The following PAN3 variants were observed in gnomAD, a reference collection of about 807,000 sequenced individuals.
PAN3 encodes PAN2-PAN3 deadenylation complex subunit PAN3.
A neutral mutation model predicts 96.2 loss-of-function variants in PAN3; 19 were observed. That is an observed-to-expected ratio of 0.20 (90% CI 0.14 to 0.29). The LOEUF is 0.29. Among genes scored for constraint, PAN3 ranks in the 10% least tolerant of loss-of-function variants. PAN3 has a pLI of 1.00. For missense variants in PAN3, 882 were observed against 1,108.1 expected (o/e 0.80, Z 2.90); for synonymous variants, 433 against 406.6 (o/e 1.06, Z -0.78).
chr13:28,243,669 A>G (rs1396813379), intron 6 of PAN3, among the ~76,000 whole-genome samples: 1 of 151,622 alleles, frequency 6.6e-6, no homozygotes, highest in African/African-American at 2.4e-5. Flanking sequence ...TTTAATTTCT[A>G]TCTCTTTAGG....
chr13:28,270,889 T>C, intron 13 of PAN3, 23 bp downstream of exon 13: 1 of 1,607,572 alleles, frequency 6.2e-7, no homozygotes, highest in South Asian at 1.1e-5. Context: ...TGAGTTTTGG[T>C]TTCTTTTATT....
chr13:28,223,655 C>G (rs1464612649), intron 6 of PAN3, among the ~76,000 whole-genome samples: 2 of 151,870 alleles, frequency 1.3e-5, no homozygotes, highest in Non-Finnish European at 2.9e-5. Context: ...CCTCCACCTC[C>G]TGGAGAACCA....
chr13:28,261,382 T>C lies in PAN3; in HGVS notation c.1354-19T>C, dbSNP rs371393112. The C allele has an allele frequency of 3.6e-6, 5 of 1,384,828 alleles. No individual in the cohort carries two copies. Among genetic ancestry groups the C allele is most frequent in the Non-Finnish European group, 3.8e-6 (4 of 1,058,030 alleles). 85.8% of individuals were successfully genotyped at this position (1,384,828 alleles called of 1,614,324 possible). A position where few individuals can be genotyped will look rare whatever the true frequency, so the allele number is the denominator to read the frequency against. On this transcript the variant is annotated intron_variant, in intron 8 of 18. Transcript: ENST00000380958. ...CAGAATCTGTGTTTAAATAAAAATA[T>C]ACTTATTTTGTTTCATAGGAGCTGA...
chr13:28,240,075 A>T (rs1883512191), intron 6 of PAN3: 1 of 152,464 alleles, frequency 6.6e-6, no homozygotes, highest in African/African-American at 2.4e-5. Context: ...TTAAGATTTA[A>T]TGGAACTTAA....
chr13:28,183,943 T>TA (rs574796993), intron 4 of PAN3, among the ~76,000 whole-genome samples: 31 of 152,282 alleles, frequency 2.0e-4, no homozygotes, highest in African/African-American at 7.2e-4. Context: ...TGGAAATTGT[T>TA]AACTGTTGTT....
In PAN3 at chr13:28,154,779, A is replaced by G. The variant is rs181597961; in HGVS notation, c.430+15692A>G. ...CCAAAGTGCTAGGATTACAGGTGTGAGCCACCACACTCGGCCTGACTTTGC... is the reference window on the plus strand; with the variant it reads ...CCAAAGTGCTAGGATTACAGGTGTGGGCCACCACACTCGGCCTGACTTTGC... On this transcript the variant is annotated intron_variant, in intron 1 of 18. Transcript: ENST00000380958. 2.1e-4 allele frequency among the ~76,000 whole-genome samples: 32 copies of G among 149,154 alleles called. No homozygotes were observed. The East Asian group carries it at 5.7e-3, about 26-fold the overall frequency.
chr13:28,159,636 T>C (rs7989075), intron 1 of PAN3, among the ~76,000 whole-genome samples: 14,354 of 152,026 alleles, frequency 0.094, 859 homozygotes, highest in African/African-American at 0.17. Flanking sequence ...TTAGTAGAGA[T>C]GGGGTTTCAC....
chr13:28,218,639 CT>C (rs1881065141), intron 5 of PAN3, among the ~76,000 whole-genome samples: 1 of 152,140 alleles, frequency 6.6e-6, no homozygotes, highest in Non-Finnish European at 1.5e-5. Flanking sequence ...GGACCTTCCC[CT>C]CTTTTTTCCC....
chr13:28,171,477 C>A (rs1406773371), intron 1 of PAN3, among the ~76,000 whole-genome samples: 2 of 152,194 alleles, frequency 1.3e-5, no homozygotes, highest in Admixed American at 6.5e-5. Context: ...TGACATGTAG[C>A]GGGTCCTCAG....
At chr13:28,158,164 G>A (rs9554279) in intron 1 of PAN3, among the ~76,000 whole-genome samples, 17,592 of 152,160 alleles carry the variant, frequency 0.12, 1,164 homozygotes, top group East Asian at 0.33. Context: ...ATTGAAACTG[G>A]ACACCTTTGT....
intron 6 of PAN3, among the ~76,000 whole-genome samples, chr13:28,241,539 G>A (rs1257139399): frequency 6.6e-6 from 1 of 152,178 alleles, no homozygotes; most frequent in Admixed American, 6.5e-5. Context: ...GGTGGTGGCA[G>A]GGGTGGGGTT....
At chr13:28,230,425 AAAAC>A (rs1323608175) in intron 6 of PAN3, among the ~76,000 whole-genome samples, 1 of 152,164 alleles carries the variant, frequency 6.6e-6, no homozygotes, top group African/African-American at 2.4e-5. Flanking sequence ...ATGGAAAAAA[AAAAC>A]AACCCTATGG....
At chr13:28,271,915 C>A in intron 13 of PAN3, 66 bp from the exon 14 acceptor site, 1 of 1,138,914 alleles carries the variant, frequency 8.8e-7, no homozygotes, top group Non-Finnish European at 1.2e-6. Flanking sequence ...TGTTACTTTT[C>A]CATGAGTATG....
intron 1 of PAN3, among the ~76,000 whole-genome samples, chr13:28,160,647 A>G (rs1453610005): frequency 1.3e-5 from 2 of 152,228 alleles, no homozygotes; most frequent in Non-Finnish European, 2.9e-5. Context: ...TATATCTTAA[A>G]GAACTGTTGG....
chr13:28,284,954 T>A (rs963746772), intron 17 of PAN3, among the ~76,000 whole-genome samples: 18 of 152,220 alleles, frequency 1.2e-4, no homozygotes, highest in African/African-American at 4.1e-4. Context: ...TGATTTTAGA[T>A]GTTGAGTCAT....
intron 1 of PAN3, among the ~76,000 whole-genome samples, chr13:28,150,255 A>G: frequency 6.6e-6 from 1 of 152,174 alleles, no homozygotes; most frequent in East Asian, 1.9e-4. Context: ...CCTACTCCCA[A>G]AACTTTGGAA....
intron 4 of PAN3, among the ~76,000 whole-genome samples, chr13:28,178,596 G>T (rs1474847857): frequency 6.6e-6 from 1 of 152,046 alleles, no homozygotes; most frequent in Non-Finnish European, 1.5e-5. Flanking sequence ...AGCTAAAGAT[G>T]TTAAAGAGGT....
intron 4 of PAN3, among the ~76,000 whole-genome samples, chr13:28,181,773 G>A (rs1003636199): frequency 2.0e-5 from 3 of 152,054 alleles, no homozygotes; most frequent in Non-Finnish European, 4.4e-5. Flanking sequence ...ATTCGAATAT[G>A]GAATCATTTT....
chr13:28,150,394 G>C (rs1315592689), intron 1 of PAN3, among the ~76,000 whole-genome samples: 1 of 152,150 alleles, frequency 6.6e-6, no homozygotes, highest in East Asian at 1.9e-4. Flanking sequence ...GGGAGGCCGA[G>C]GCGGGCAGAT....
Sources: gnomAD v4.1 joint callset for allele counts (sites outside exome capture counted in the v4.1 genomes callset) on GRCh38, gnomAD v4.1.1 for gene constraint, MANE v1.5 for transcripts, NCBI Gene and HGNC (gene_info 2026-07-23, HGNC 2026-07-21) for gene names.